Variants in LIG4 observed in about 807,000 individuals in gnomAD.
LIG4 encodes DNA joinase.
In LIG4, 13 loss-of-function variants were observed where a neutral mutation model predicts 19.0. The ratio of observed to expected loss-of-function variants is 0.68; its 90% confidence interval spans 0.44 to 1.09. The LOEUF (loss-of-function observed/expected upper bound fraction) is 1.09, where lower values mean the gene tolerates loss of function less well. Among genes scored for constraint, LIG4 ranks in the 50% least tolerant of loss-of-function variants. The pLI is 0.00. For missense variants in LIG4, 1,026 were observed against 1,089.7 expected, an observed-to-expected ratio of 0.94 and a Z score of 0.82; for synonymous variants, 361 against 358.2, an observed-to-expected ratio of 1.01 and a Z score of -0.09.
chr13:108,210,382 T>C lies in LIG4; in HGVS notation c.887A>G (p.Tyr296Cys). The change falls in exon 3 of 3, where the codon TAT becomes TGT. Residue 296 changes from tyrosine to cysteine, a missense_variant. Tyr to Cys is a radical substitution (Grantham distance 194). Around this residue, in one of 3 missense-constraint regions of LIG4, gnomAD observed 493 missense variants for 544.5 expected, o/e 0.91. Transcript: ENST00000442234. The stretch of plus-strand genomic sequence containing the variant: ...AGCACCAAACTGATCAGTGTAGTTA[T>C]ATCCATTTCGAGAGAAGTATTTATA... ...DVYKYFSRNG[Y>C]NYTDQFGASP... is the part of the protein sequence containing the mutation. 3 of 1,613,850 alleles carry C rather than the reference T, an allele frequency of 1.9e-6. No homozygotes were observed. Among genetic ancestry groups the C allele is most frequent in the Non-Finnish European group, 2.5e-6 (3 of 1,179,916 alleles).
In LIG4 at chr13:108,208,330, TC is replaced by T. The variant is rs1878139327; in HGVS notation, c.*202del. 2 of 513,126 alleles carry T rather than the reference TC, an allele frequency of 3.9e-6. No homozygotes were observed. Among genetic ancestry groups the T allele is most frequent in the African/African-American group, 3.8e-5 (2 of 52,188 alleles). The allele number at this position is 513,126 out of a possible 1,614,324, so 31.8% of individuals were successfully genotyped here. A position where few individuals can be genotyped will look rare whatever the true frequency, so the allele number is the denominator to read the frequency against. On this transcript the variant is annotated 3_prime_UTR_variant, in exon 3 of 3. Transcript: ENST00000442234. Reference sequence around the variant, plus strand: ...CATAAAAAATCATTGAATACTACATTCAAGATAATTTTTCTTTCTTGGCTTT... The same window carrying T: ...CATAAAAAATCATTGAATACTACATTAAGATAATTTTTCTTTCTTGGCTTT...
At chr13:108,212,460 A>C (rs947751966) in intron 2 of LIG4, among the ~76,000 whole-genome samples, 6 of 152,184 alleles carry the variant, frequency 3.9e-5, no homozygotes, top group African/African-American at 1.4e-4. Flanking sequence ...AGTAATTTTA[A>C]TATGGTTTAA....
intron 2 of LIG4, among the ~76,000 whole-genome samples, chr13:108,213,085 ACTGAGTGG>A (rs1252167156): frequency 2.0e-5 from 3 of 152,168 alleles, no homozygotes; most frequent in Non-Finnish European, 1.5e-5. Flanking sequence ...CCCAGCTTCT[ACTGAGTGG>A]GTTAGATCGA....
intron 2 of LIG4, among the ~76,000 whole-genome samples, chr13:108,212,112 A>C (rs1265380596): frequency 6.6e-6 from 1 of 151,560 alleles, no homozygotes; most frequent in African/African-American, 2.4e-5. Flanking sequence ...TACATATGAG[A>C]TGTGCTACAT....
In LIG4 at chr13:108,210,536, C is replaced by A; in HGVS notation, c.733G>T (p.Ala245Ser). The A allele has an allele frequency of 1.2e-6, 2 of 1,612,358 alleles. No individual in the cohort carries two copies. The highest frequency in any genetic ancestry group is 8.5e-7 in the Non-Finnish European group (1 of 1,179,884). ...LSDISITLFSAFKPMLAAIAD... is the reference protein window; with the variant it reads ...LSDISITLFSSFKPMLAAIAD... ...ATAGCAGCTAGCATTGGTTTAAATGCAGAAAATAAAGTGATAGAAATATCA... is the reference window on the plus strand; with the variant it reads ...ATAGCAGCTAGCATTGGTTTAAATGAAGAAAATAAAGTGATAGAAATATCA... The change falls in exon 3 of 3, where the codon GCA (alanine) becomes TCA (serine). Residue 245 changes from alanine to serine, a missense_variant. Ala to Ser is a moderately conservative substitution (Grantham distance 99). This residue lies in a region of LIG4 where 493 missense variants were observed against 544.5 expected (regional missense o/e 0.91). Transcript: ENST00000442234.
chr13:108,208,597 T>G lies in LIG4; in HGVS notation c.2672A>C (p.Glu891Ala). 6.2e-7 allele frequency: 1 copy of G among 1,613,312 alleles called. No homozygotes were observed. The change falls in exon 3 of 3, where the codon GAA becomes GCA. Residue 891 changes from glutamate (E) to alanine (A), a missense_variant. Glu to Ala is a moderately radical substitution (Grantham distance 107). Transcript: ENST00000442234. ...GTCTATTGAATCAGTTACCCAACTT[T>G]CTTTTAGGATTTTAAACTTTCTCTT... Reference protein sequence around the residue: ...TFKRKFKILKESWVTDSIDKC... With the variant: ...TFKRKFKILKASWVTDSIDKC...
chr13:108,210,973 A>T lies in LIG4; in HGVS notation c.296T>A (p.Leu99Ter). The part of the protein sequence containing the change: ...LAKLYIELLN[L>*]PRDGKDALKL... ...GAGGGCATCTTTTCCATCTCTAGGT[A>T]AATTAAGCAACTCAATATAAAGCTT... is the stretch of plus-strand genomic sequence containing the variant. Residue 99 changes from leucine (L) to a stop codon, truncating the protein, a stop_gained, in exon 3 of 3, where the codon TTA becomes TAA. Coordinates refer to ENST00000442234, the MANE Select transcript of LIG4 (RefSeq NM_206937.2). LOFTEE classifies it high-confidence loss of function. The T allele has an allele frequency of 1.2e-6, 2 of 1,612,722 alleles. No homozygotes were observed. Among genetic ancestry groups the T allele is most frequent in the Non-Finnish European group, 1.7e-6 (2 of 1,179,690 alleles).
Position 108,209,287 on chromosome 13 carries a change from TC to T in LIG4, c.1981del (p.Asp661MetfsTer2). ...TCCACTCATAACACAAAACTCTACA[TC>T]TTCAAATATATTAGAAATTTTGTTA... Reference protein sequence around the residue: ...NVNKISNIFEDVEFCVMSGTD... With the variant: ...NVNKISNIFEXVEFCVMSGTD... On this transcript the variant is annotated frameshift_variant, in exon 3 of 3. Coordinates refer to ENST00000442234, the MANE Select transcript of LIG4 (RefSeq NM_206937.2). LOFTEE classifies it low-confidence loss of function (END_TRUNC). 1 of 1,614,126 alleles carries T rather than the reference TC, an allele frequency of 6.2e-7. No individual in the cohort carries two copies. Among genetic ancestry groups the T allele is most frequent in the Non-Finnish European group, 8.5e-7 (1 of 1,179,984 alleles).
In LIG4 at chr13:108,210,147, A is replaced by G. The variant is rs1878471742; in HGVS notation, c.1122T>C (p.Asn374=). The G allele has an allele frequency of 1.2e-6, 2 of 1,613,814 alleles. No individual in the cohort carries two copies. The highest frequency in any genetic ancestry group is 1.7e-6 in the Non-Finnish European group (2 of 1,179,972). The change falls in exon 3 of 3, where the codon AAT becomes AAC. Residue 374 remains asparagine, a synonymous_variant. Transcript: ENST00000442234. ...YCVFDVLMVN[N]KKLGHETLRK... is the part of the protein sequence containing the mutation. ...TCAGAGTCTCATGCCCTAGCTTTTT[A>G]TTATTAACCATCAATACATCAAAAA...
rs2232636 is a variant in LIG4, at chr13:108,211,131, C to A, written c.138G>T (p.Trp46Cys). 1.2e-6 allele frequency: 2 copies of A among 1,611,642 alleles called. No homozygotes were observed. The highest frequency in any genetic ancestry group is 4.5e-5 in the East Asian group (2 of 44,844). ...IRHFREFLDS[W>C]RKFHDALHKN... ...TATGAAGAGCATCATGAAATTTTCT[C>A]CAAGAATCTAAAAATTCCCTGAAGT... The change falls in exon 3 of 3, where the codon TGG becomes TGT. Residue 46 changes from tryptophan (W) to cysteine (C), a missense_variant. Coordinates refer to ENST00000442234, the MANE Select transcript of LIG4 (RefSeq NM_206937.2).
In LIG4 at chr13:108,208,499, A is replaced by G; in HGVS notation, c.*34T>C. 1 of 1,362,788 alleles carries G rather than the reference A, an allele frequency of 7.3e-7. No individual in the cohort carries two copies. 84.4% of individuals were successfully genotyped at this position (1,362,788 alleles called of 1,614,324 possible). On this transcript the variant is annotated 3_prime_UTR_variant, in exon 3 of 3. Coordinates refer to ENST00000442234, the MANE Select transcript of LIG4 (RefSeq NM_206937.2). ...TACCACCTGCTGCAATGAGTCTGCC[A>G]GATCAGAGGCTTTCCTCACTAGGAA...
chr13:108,209,907 A>C lies in LIG4; in HGVS notation c.1362T>G (p.Tyr454Ter). The change falls in exon 3 of 3, where the codon TAT becomes TAG. Residue 454 changes from tyrosine to a stop codon, truncating the protein, a stop_gained. Transcript: ENST00000442234. LOFTEE classifies it low-confidence loss of function (END_TRUNC). ...CCAATTCATCCATTAGTCCACTGAC[A>C]TACTCTGGTTTAATTTTTAACCACC... ...GEGWLKIKPEYVSGLMDELDI... is the reference protein window; with the variant it reads ...GEGWLKIKPE 6.2e-7 allele frequency: 1 copy of C among 1,614,170 alleles called. No homozygotes were observed. The highest frequency in any genetic ancestry group is 8.5e-7 in the Non-Finnish European group (1 of 1,180,012).
At chr13:108,215,920 T>G (rs1879266580), upstream of LIG4, among the ~76,000 whole-genome samples, 1 of 152,062 alleles carries the variant, frequency 6.6e-6, no homozygotes, top group South Asian at 2.1e-4. Context: ...TCCTCCCAAC[T>G]CAAAACGTTG....
At position 108,210,244 on chromosome 13, in the gene LIG4, A is replaced by T. The variant is rs773271264; in HGVS notation, c.1025T>A (p.Phe342Tyr). Residue 342 changes from phenylalanine to tyrosine, a missense_variant, in exon 3 of 3, where the codon TTC becomes TAC. This residue lies in a region of LIG4 where 493 missense variants were observed against 544.5 expected (regional missense o/e 0.91). Transcript: ENST00000442234. ...MMAYNPNTQT[F>Y]MQKGTKFDIK... ...ATCAAACTTAGTTCCCTTTTGCATG[A>T]AAGTTTGTGTATTAGGATTATAGGC... 2 of 1,613,794 alleles carry T rather than the reference A, an allele frequency of 1.2e-6. No individual in the cohort carries two copies. Among genetic ancestry groups the T allele is most frequent in the Non-Finnish European group, 1.7e-6 (2 of 1,179,856 alleles).
At chr13:108,215,561 C>T (rs1242206897), upstream of LIG4, 2 of 147,152 alleles carry the variant, frequency 1.4e-5, no homozygotes, top group Admixed American at 1.4e-4. Flanking sequence ...CTGCTCGCCG[C>T]GCAGGCGCAG....
chr13:108,217,353 T>TAC (rs1489263270), upstream of LIG4, among the ~76,000 whole-genome samples: 10 of 152,298 alleles, frequency 6.6e-5, no homozygotes, highest in South Asian at 2.1e-4. Flanking sequence ...CCGTCTCTAC[T>TAC]GAAGAAAAAT....
Position 108,210,481 on chromosome 13 carries a change from A to G in LIG4, c.788T>C (p.Met263Thr), listed in dbSNP as rs1594463343. 22 of 1,613,088 alleles carry G rather than the reference A, an allele frequency of 1.4e-5. No homozygotes were observed. In the East Asian group the frequency reaches 4.9e-4, roughly 36 times the overall value. The change falls in exon 3 of 3, where the codon ATG (methionine) becomes ACG (threonine). Residue 263 changes from methionine to threonine, a missense_variant. Physicochemically the swap from Met to Thr is moderately conservative, Grantham distance 81 (BLOSUM62 -1). Coordinates refer to ENST00000442234, the MANE Select transcript of LIG4 (RefSeq NM_206937.2). ...IADIEHIEKDMKHQSFYIETK... is the reference protein window; with the variant it reads ...IADIEHIEKDTKHQSFYIETK... ...TTCTATGTAGAAACTCTGATGTTTC[A>G]TATCCTTCTCAATGTGCTCAATATC...
In LIG4 at chr13:108,210,363, A is replaced by G; in HGVS notation, c.906T>C (p.Phe302=). The G allele has an allele frequency of 6.2e-7, 1 of 1,613,946 alleles. No homozygotes were observed. Among genetic ancestry groups the G allele is most frequent in the African/African-American group, 1.3e-5 (1 of 75,040 alleles). The stretch of plus-strand genomic sequence containing the variant: ...GAGAACCTTCAGTAGGAGAAGCACC[A>G]AACTGATCAGTGTAGTTATATCCAT... ...SRNGYNYTDQ[F]GASPTEGSLT... Residue 302 remains phenylalanine (F), a synonymous_variant, in exon 3 of 3, where the codon TTT becomes TTC. Transcript: ENST00000442234.
chr13:108,210,614 T>C lies in LIG4; in HGVS notation c.655A>G (p.Thr219Ala). The C allele has an allele frequency of 6.2e-7, 1 of 1,613,554 alleles. No homozygotes were observed. The highest frequency in any genetic ancestry group is 8.5e-7 in the Non-Finnish European group (1 of 1,179,960). ...NDAAELHNVT[T>A]DLEKVCRQLH... is the part of the protein sequence containing the mutation. ...TGCCTACAGACTTTTTCCAGATCTG[T>C]AGTGACATTATGCAACTCAGCAGCA... Residue 219 changes from threonine to alanine, a missense_variant, in exon 3 of 3, where the codon ACA becomes GCA. Thr to Ala is a moderately conservative substitution (Grantham distance 58). Coordinates refer to ENST00000442234, the MANE Select transcript of LIG4 (RefSeq NM_206937.2).
Sources: gnomAD v4.1 joint callset for allele counts (sites outside exome capture counted in the v4.1 genomes callset) on GRCh38, gnomAD v4.1.1 for gene constraint, gnomAD v4.1.1 regional missense constraint, MANE v1.5 for transcripts, NCBI Gene and HGNC (gene_info 2026-07-23, HGNC 2026-07-21) for gene names.